Variants in UNC13C observed in about 807,000 individuals in gnomAD.
The protein encoded by UNC13C is unc-13 homolog C.
Under a neutral mutation model 245.4 loss-of-function variants are expected in UNC13C, and 174 were observed. The observed-to-expected ratio is 0.71, with a 90% CI of 0.63 to 0.80. UNC13C has a LOEUF of 0.80. Among genes scored for constraint, UNC13C ranks in the 30% least tolerant of loss-of-function variants. The probability of loss-of-function intolerance (pLI) is 0.00; values close to 1 mark genes in which losing one functional copy is unlikely to be tolerated. For missense variants in UNC13C, 2,829 were observed against 2,602.9 expected (o/e 1.09, Z -1.89); for synonymous variants, 992 against 895.1 (o/e 1.11, Z -1.93).
chr15:53,847,117 A>C, the UNC13C span, among the ~76,000 whole-genome samples: 1 of 152,194 alleles, frequency 6.6e-6, no homozygotes, highest in Non-Finnish European at 1.5e-5. Flanking sequence ...AGGGGAAACT[A>C]GACCCTACAT....
At chr15:54,471,642 C>A (rs892249108) in intron 19 of UNC13C, among the ~76,000 whole-genome samples, 1 of 151,236 alleles carries the variant, frequency 6.6e-6, no homozygotes, top group East Asian at 2.0e-4. Flanking sequence ...TATAGTCTAA[C>A]TTCTTAAGAC....
chr15:54,400,673 C>A (rs1435490662), intron 18 of UNC13C, among the ~76,000 whole-genome samples: 3 of 152,118 alleles, frequency 2.0e-5, no homozygotes, highest in Non-Finnish European at 4.4e-5. Flanking sequence ...TCTTCATCAA[C>A]CTTTCCTATA....
At chr15:54,614,206 T>C (rs1006308175) in intron 30 of UNC13C, among the ~76,000 whole-genome samples, 3 of 152,022 alleles carry the variant, frequency 2.0e-5, no homozygotes, top group African/African-American at 7.2e-5. Flanking sequence ...GTTAATATTT[T>C]TCTCTCATTA....
chr15:54,043,917 T>C (rs1043906043), intron 2 of UNC13C, among the ~76,000 whole-genome samples: 1 of 152,214 alleles, frequency 6.6e-6, no homozygotes, highest in African/African-American at 2.4e-5. Context: ...ATTACAACTT[T>C]ATCAAAATAA....
chr15:54,415,124 G>A lies in UNC13C; in HGVS notation c.4933+57G>A, dbSNP rs532084091. 22 of 1,289,386 alleles carry A rather than the reference G, an allele frequency of 1.7e-5. No homozygotes were observed. In the East Asian group the frequency reaches 5.1e-4, roughly 30 times the overall value. The allele number at this position is 1,289,386 out of a possible 1,614,324, so 79.9% of individuals were successfully genotyped here. On this transcript the variant is annotated intron_variant, in intron 19 of 32. Transcript: ENST00000260323. ...CATGTTAGAGTTAAATGGTGATATTGTGTTCTTGGCTTTAAATGTTGAGAA... is the reference window on the plus strand; with the variant it reads ...CATGTTAGAGTTAAATGGTGATATTATGTTCTTGGCTTTAAATGTTGAGAA...
chr15:54,012,926 G>T lies in UNC13C; in HGVS notation c.23G>T (p.Ser8Ile). Residue 8 changes from serine (S) to isoleucine (I), a missense_variant, in exon 2 of 33, where the codon AGC becomes ATC. By Grantham distance (142) the Ser-to-Ile change is moderately radical. Coordinates refer to ENST00000260323, the MANE Select transcript of UNC13C (RefSeq NM_001080534.3). Reference sequence around the variant, plus strand: ...TCCATGGTGGCTAATTTTTTCAAGAGCTTGATTTTACCTTACATTCATAAG... The same window carrying T: ...TCCATGGTGGCTAATTTTTTCAAGATCTTGATTTTACCTTACATTCATAAG... MVANFFK[S>I]LILPYIHKLC... The T allele has an allele frequency of 1.2e-6, 2 of 1,600,772 alleles. No homozygotes were observed. Among genetic ancestry groups the T allele is most frequent in the Non-Finnish European group, 1.7e-6 (2 of 1,174,504 alleles).
At chr15:54,371,167 A>G (rs955776938) in intron 17 of UNC13C, among the ~76,000 whole-genome samples, 8 of 152,212 alleles carry the variant, frequency 5.3e-5, no homozygotes, top group East Asian at 1.9e-4. Context: ...TCCACAACCC[A>G]TCACCCAAAC....
chr15:54,276,338 CA>C (rs1190550596), intron 10 of UNC13C, among the ~76,000 whole-genome samples: 2 of 151,970 alleles, frequency 1.3e-5, no homozygotes, highest in Admixed American at 6.6e-5. Flanking sequence ...AAAACTCTGA[CA>C]AAAAATAACT....
intron 17 of UNC13C, among the ~76,000 whole-genome samples, chr15:54,391,870 C>T (rs957378718): frequency 6.6e-6 from 1 of 152,034 alleles, no homozygotes; most frequent in Non-Finnish European, 1.5e-5. Flanking sequence ...GACAACTCAA[C>T]AAAATATGGT....
At chr15:53,981,150 C>A (rs1322228219) in intron 1 of UNC13C, among the ~76,000 whole-genome samples, 2 of 152,176 alleles carry the variant, frequency 1.3e-5, no homozygotes, top group Non-Finnish European at 2.9e-5. Context: ...CAGGCACTTT[C>A]ATTTCTGTTA....
intron 28 of UNC13C, among the ~76,000 whole-genome samples, chr15:54,550,634 C>T (rs1273422001): frequency 6.6e-6 from 1 of 152,126 alleles, no homozygotes; most frequent in African/African-American, 2.4e-5. Flanking sequence ...CCATTCCTAA[C>T]ACAAAAATTA....
intron 4 of UNC13C, among the ~76,000 whole-genome samples, chr15:54,234,385 T>G (rs978758705): frequency 3.9e-5 from 6 of 152,294 alleles, no homozygotes; most frequent in African/African-American, 1.4e-4. Context: ...ATTGATTCAT[T>G]TAATCAATAT....
intron 31 of UNC13C, among the ~76,000 whole-genome samples, chr15:54,623,178 G>A (rs1454596129): frequency 6.6e-6 from 1 of 151,670 alleles, no homozygotes; most frequent in African/African-American, 2.4e-5. Context: ...ATTTACACAT[G>A]AGAATCTTCA....
At chr15:54,291,549 C>T (rs960269401) in intron 10 of UNC13C, among the ~76,000 whole-genome samples, 21 of 151,794 alleles carry the variant, frequency 1.4e-4, no homozygotes, top group African/African-American at 5.1e-4. Flanking sequence ...TCAAAAAGAA[C>T]GTGGAACTTG....
At chr15:54,067,961 A>G (rs893141974) in intron 2 of UNC13C, among the ~76,000 whole-genome samples, 1 of 152,192 alleles carries the variant, frequency 6.6e-6, no homozygotes, top group African/African-American at 2.4e-5. Context: ...TTTCAGATAA[A>G]CAACAAATAA....
chr15:54,543,826 C>G (rs1272291000), intron 26 of UNC13C, among the ~76,000 whole-genome samples: 1 of 151,954 alleles, frequency 6.6e-6, no homozygotes, highest in African/African-American at 2.4e-5. Context: ...CAAAAAAAGC[C>G]CAGGACCAGA....
Position 54,049,332 on chromosome 15 carries a change from A to T in UNC13C, c.2983+33446A>T, listed in dbSNP as rs79790749. On this transcript the variant is annotated intron_variant, in intron 2 of 32. Transcript: ENST00000260323. ...GCCCTTCATATGAATATAAATCGATACTACTAACATCTACAAGAAGAAAAT... is the reference window on the plus strand; with the variant it reads ...GCCCTTCATATGAATATAAATCGATTCTACTAACATCTACAAGAAGAAAAT... 32 of 513,034 alleles carry T rather than the reference A, an allele frequency of 6.2e-5. No individual in the cohort carries two copies. In the East Asian group the frequency reaches 1.5e-3, roughly 24 times the overall value. The allele number at this position is 513,034 out of a possible 1,614,324, so 31.8% of individuals were successfully genotyped here.
At chr15:54,472,148 C>A (rs1892496843) in intron 19 of UNC13C, among the ~76,000 whole-genome samples, 1 of 151,520 alleles carries the variant, frequency 6.6e-6, no homozygotes, top group African/African-American at 2.4e-5. Flanking sequence ...CTTGTGGTTA[C>A]CCTAATGCTT....
At chr15:53,940,355 ATAT>A in the UNC13C span, among the ~76,000 whole-genome samples, 1 of 152,106 alleles carries the variant, frequency 6.6e-6, no homozygotes, top group Non-Finnish European at 1.5e-5. Flanking sequence ...CCCACAGCCA[ATAT>A]TATACTGAAT....
Sources: allele counts gnomAD v4.1 joint callset (sites outside exome capture counted in the v4.1 genomes callset), GRCh38; gene constraint gnomAD v4.1.1; transcripts MANE v1.5; gene names NCBI Gene and HGNC (gene_info 2026-07-23, HGNC 2026-07-21).